The following PSTPIP2 variants were observed in gnomAD, a reference collection of about 807,000 sequenced individuals.
PSTPIP2 encodes the protein proline-serine-threonine phosphatase interacting protein 2.
In PSTPIP2, 33 loss-of-function variants were observed where a neutral mutation model predicts 63.3. The ratio of observed to expected loss-of-function variants is 0.52; its 90% CI spans 0.40 to 0.70. The LOEUF (loss-of-function observed/expected upper bound fraction) is 0.70. Among genes scored for constraint, PSTPIP2 ranks in the 30% least tolerant of loss-of-function variants. PSTPIP2 has a pLI of 0.00. For missense variants in PSTPIP2, 312 were observed against 400.7 expected, an observed-to-expected ratio of 0.78 and a Z score of 1.89; for synonymous variants, 125 against 132.7, an observed-to-expected ratio of 0.94 and a Z score of 0.40.
intron 1 of PSTPIP2, among the ~76,000 whole-genome samples, chr18:46,050,379 A>G (rs1421333472): frequency 6.6e-6 from 1 of 152,064 alleles, no homozygotes; most frequent in African/African-American, 2.4e-5. Flanking sequence ...CGACAAGCCT[A>G]AGAAACATGG....
intron 2 of PSTPIP2, chr18:46,029,013 T>C: frequency 1.2e-6 from 1 of 832,690 alleles, no homozygotes; most frequent in South Asian, 1.3e-5. Context: ...TGATGGTCGC[T>C]GGATTAGATA....
Position 45,991,998 on chromosome 18 carries a change from A to G in PSTPIP2, c.839-15T>C. ...CATGATGGGTGCTAGGAGAGTCACCAAGAAACAGGACATGAAGAGGCAGGC... is the reference window on the plus strand; with the variant it reads ...CATGATGGGTGCTAGGAGAGTCACCGAGAAACAGGACATGAAGAGGCAGGC... On this transcript the variant is annotated splice_polypyrimidine_tract_variant and intron_variant, in intron 11 of 14. Transcript: ENST00000409746. 3.7e-6 allele frequency: 6 copies of G among 1,605,524 alleles called. No individual in the cohort carries two copies. The highest frequency in any genetic ancestry group is 5.1e-6 in the Non-Finnish European group (6 of 1,172,354).
chr18:46,045,661 CAAT>C (rs1221700510), intron 1 of PSTPIP2, among the ~76,000 whole-genome samples: 2 of 133,396 alleles, frequency 1.5e-5, no homozygotes, highest in Non-Finnish European at 1.7e-5. Flanking sequence ...TAAAGTATAA[CAAT>C]AATAAAGTAA....
At chr18:46,002,387 T>C (rs1030171628) in intron 6 of PSTPIP2, among the ~76,000 whole-genome samples, 2 of 152,208 alleles carry the variant, frequency 1.3e-5, no homozygotes, top group African/African-American at 2.4e-5. Flanking sequence ...TCTTTTCTTA[T>C]AGTGCAAAAA....
At chr18:46,056,650 CAA>C (rs1299250065) in intron 1 of PSTPIP2, among the ~76,000 whole-genome samples, 1 of 152,068 alleles carries the variant, frequency 6.6e-6, no homozygotes, top group Non-Finnish European at 1.5e-5. Flanking sequence ...TCACTTGAGC[CAA>C]AGAGTTCAAA....
intron 10 of PSTPIP2, 121 bp downstream of exon 10, chr18:45,993,484 G>T: frequency 1.2e-6 from 1 of 831,954 alleles, no homozygotes; most frequent in Non-Finnish European, 2.0e-6. Flanking sequence ...TCACTGTATG[G>T]CCTTAGGCAA....
chr18:45,985,421 A>T lies in PSTPIP2; in HGVS notation c.*38T>A, dbSNP rs1333981446. 2 of 1,613,426 alleles carry T rather than the reference A, an allele frequency of 1.2e-6. No homozygotes were observed. The highest frequency in any genetic ancestry group is 2.2e-5 in the South Asian group (2 of 91,060). On this transcript the variant is annotated 3_prime_UTR_variant, in exon 15 of 15. Coordinates refer to ENST00000409746, the MANE Select transcript of PSTPIP2 (RefSeq NM_024430.4). ...GCTCTGGGTGCCCTTTCCATATCAC[A>T]GAAGCACTAGCCGGAAAAAGCTCTG...
At chr18:45,985,663 T>C (rs1247833925) in intron 14 of PSTPIP2, among the ~76,000 whole-genome samples, 1 of 152,190 alleles carries the variant, frequency 6.6e-6, no homozygotes, top group East Asian at 1.9e-4. Context: ...TATACATATT[T>C]CAAATTTGAA....
chr18:46,057,139 C>T lies in PSTPIP2; in HGVS notation c.33+15017G>A, dbSNP rs150086797. Among the ~76,000 whole-genome samples, 890 of 151,940 alleles carry T rather than the reference C, an allele frequency of 5.9e-3. 16 individuals carry two copies. Among genetic ancestry groups the T allele is most frequent in the Admixed American group, 0.034 (519 of 15,246 alleles). On this transcript the variant is annotated intron_variant, in intron 1 of 14. Transcript: ENST00000409746. ...AACTACTGAGGGTTTTTTTGGCTCC[C>T]CCTTAAATTTTACGTGCAAGGCAAG...
In PSTPIP2 at chr18:46,005,551, A is replaced by T; in HGVS notation, c.355-20T>A. Reference sequence around the variant, plus strand: ...CTCTGTCTGTAAAGAGATCATAAACACTCTTAATAAAAACACAAATCATTA... The same window carrying T: ...CTCTGTCTGTAAAGAGATCATAAACTCTCTTAATAAAAACACAAATCATTA... On this transcript the variant is annotated intron_variant, in intron 5 of 14. Transcript: ENST00000409746. 1 of 1,513,404 alleles carries T rather than the reference A, an allele frequency of 6.6e-7. No homozygotes were observed. The highest frequency in any genetic ancestry group is 9.0e-7 in the Non-Finnish European group (1 of 1,109,038). The allele number at this position is 1,513,404 out of a possible 1,614,324, so 93.7% of individuals were successfully genotyped here.
At chr18:45,986,390 A>G (rs1348041103) in intron 14 of PSTPIP2, among the ~76,000 whole-genome samples, 1 of 152,236 alleles carries the variant, frequency 6.6e-6, no homozygotes, top group East Asian at 1.9e-4. Context: ...CTGAGGAACT[A>G]CAGTTGTTGG....
At position 45,990,942 on chromosome 18, in the gene PSTPIP2, A is replaced by C. The variant is rs1445716395; in HGVS notation, c.921-186T>G. ...CGGAAATCTAAGTTGCAGACGTCGTACTATGGCAAGAGGCAGCATGCATAG... is the reference window on the plus strand; with the variant it reads ...CGGAAATCTAAGTTGCAGACGTCGTCCTATGGCAAGAGGCAGCATGCATAG... On this transcript the variant is annotated intron_variant, in intron 12 of 14. Coordinates refer to ENST00000409746, the MANE Select transcript of PSTPIP2 (RefSeq NM_024430.4). Among the ~76,000 whole-genome samples the C allele has an allele frequency of 2.6e-5, 4 of 152,198 alleles. No individual in the cohort carries two copies. In the East Asian group the frequency reaches 7.7e-4, roughly 29 times the overall value.
At chr18:46,070,522 C>T (rs11659478) in intron 1 of PSTPIP2, among the ~76,000 whole-genome samples, 61,573 of 151,398 alleles carry the variant, frequency 0.41, 13,167 homozygotes, top group Middle Eastern at 0.57. Context: ...TTTGTTTGTT[C>T]GTTTTTGAGA....
intron 10 of PSTPIP2, among the ~76,000 whole-genome samples, chr18:45,992,968 C>T (rs748490911): frequency 8.5e-5 from 13 of 152,102 alleles, no homozygotes; most frequent in Non-Finnish European, 1.6e-4. Context: ...ACAGGCAATC[C>T]GCCTGCCTTG....
intron 1 of PSTPIP2, among the ~76,000 whole-genome samples, chr18:46,069,922 T>G (rs1909330396): frequency 1.3e-5 from 2 of 152,188 alleles, no homozygotes; most frequent in South Asian, 4.1e-4. Context: ...ATCACTCACT[T>G]CTTTTACTTG....
In PSTPIP2 at chr18:46,010,479, G is replaced by A. The variant is rs528432246; in HGVS notation, c.354+702C>T. 1.4e-4 allele frequency among the ~76,000 whole-genome samples: 21 copies of A among 152,314 alleles called. No individual in the cohort carries two copies. The South Asian group carries it at 3.9e-3, about 29-fold the overall frequency. On this transcript the variant is annotated intron_variant, in intron 5 of 14. Transcript: ENST00000409746. The stretch of plus-strand genomic sequence containing the variant: ...AATTCTCTAAGGACCCTACATGGCT[G>A]CAGGATCAGCCTGAATATCCAGTCT...
intron 2 of PSTPIP2, 30 bp downstream of exon 2, chr18:46,039,917 C>G (rs1599734133): frequency 6.4e-7 from 1 of 1,570,818 alleles, no homozygotes; most frequent in East Asian, 2.2e-5. Flanking sequence ...TTGGCCCACC[C>G]TCTTCAGAGA....
chr18:46,058,421 A>G (rs1024246955), intron 1 of PSTPIP2, among the ~76,000 whole-genome samples: 1 of 151,822 alleles, frequency 6.6e-6, no homozygotes, highest in Admixed American at 6.6e-5. Flanking sequence ...TAGTAGCACG[A>G]TCTCGGCTCA....
chr18:46,028,460 G>T (rs190614187), intron 2 of PSTPIP2: 1 of 594,532 alleles, frequency 1.7e-6, no homozygotes, highest in Non-Finnish European at 3.2e-6. Context: ...AAGACAAACC[G>T]GCCGTGGAGT....
Sources: gnomAD v4.1 joint callset for allele counts (sites outside exome capture counted in the v4.1 genomes callset) on GRCh38, gnomAD v4.1.1 for gene constraint, MANE v1.5 for transcripts, NCBI Gene and HGNC (gene_info 2026-07-23, HGNC 2026-07-21) for gene names.